UPRT: variants seen among roughly 807,000 people sequenced by gnomAD.
UPRT encodes uracil phosphoribosyltransferase homolog, also known as RP11-311P8.3.
Under a neutral mutation model 22.6 loss-of-function variants are expected in UPRT, and 5 were observed. That is an observed-to-expected ratio of 0.22 (90% confidence interval 0.12 to 0.47). The LOEUF is 0.47. Among genes scored for constraint, UPRT ranks in the 20% least tolerant of loss-of-function variants. The pLI is 0.99. For missense variants in UPRT, 181 were observed against 239.9 expected, an observed-to-expected ratio of 0.75 and a Z score of 1.62; for synonymous variants, 77 against 87.7, an observed-to-expected ratio of 0.88 and a Z score of 0.68.
intron 4 of UPRT, among the ~76,000 whole-genome samples, chrX:75,226,051 T>A (rs1294717813): frequency 1.8e-5 from 2 of 111,902 alleles, no homozygotes; most frequent in Non-Finnish European, 3.8e-5. Context: ...TAGAATGTTC[T>A]TCTTTTTTAT....
intron 4 of UPRT, among the ~76,000 whole-genome samples, chrX:75,299,257 G>A (rs2082736332): frequency 8.9e-6 from 1 of 112,327 alleles, no homozygotes; most frequent in Non-Finnish European, 1.9e-5. Context: ...TCATTGTTGA[G>A]CTAAGTGATG....
rs185586912 is a variant in UPRT at position 75,246,126 on chromosome X, T to A, written c.-446-44898T>A. On this transcript the variant is annotated intron_variant, in intron 4 of 13. Transcript: ENST00000652605. ...TTATTTTATTTTATGTTATTATACT[T>A]TAAGTTCTAGGGTACATGTCCACAA... Among the ~76,000 whole-genome samples, 26 of 110,774 alleles carry A rather than the reference T, an allele frequency of 2.3e-4. No homozygotes were observed. The East Asian group carries it at 6.8e-3, about 29-fold the overall frequency.
chrX:75,220,192 T>C (rs2082405455), intron 4 of UPRT, among the ~76,000 whole-genome samples: 1 of 111,644 alleles, frequency 9.0e-6, no homozygotes, highest in Non-Finnish European at 1.9e-5. Flanking sequence ...TATCTTTTGT[T>C]TGAAATCTAT....
chrX:75,223,910 A>G (rs969947407), intron 4 of UPRT, among the ~76,000 whole-genome samples: 3 of 111,528 alleles, frequency 2.7e-5, no homozygotes, highest in African/African-American at 9.8e-5. Flanking sequence ...GCTTCTATTC[A>G]GTCATCTTGC....
At chrX:75,235,420 C>G (rs1372800178) in intron 4 of UPRT, among the ~76,000 whole-genome samples, 7 of 111,051 alleles carry the variant, frequency 6.3e-5, no homozygotes, top group African/African-American at 2.0e-4. Context: ...AGAGGGAATC[C>G]TCCCTAACTC....
chrX:75,296,628 G>T (rs1458010735), intron 3 of UPRT, among the ~76,000 whole-genome samples: 1 of 111,664 alleles, frequency 9.0e-6, no homozygotes, highest in Non-Finnish European at 1.9e-5. Context: ...TCAAGTTAAA[G>T]GTTAACAAAT....
rs759952180 is a variant in UPRT, at chrX:75,188,603, C to T, written c.-447+20724C>T. Among the ~76,000 whole-genome samples, 50 of 112,648 alleles carry T rather than the reference C, an allele frequency of 4.4e-4. No individual in the cohort carries two copies. The East Asian group carries it at 4.5e-3, about 10-fold the overall frequency. On this transcript the variant is annotated intron_variant, in intron 4 of 13. Transcript: ENST00000652605. ...TTACCTAAGCAAGCCTGGGCAATGG[C>T]GGGCGCCCCTCCCCGAGCCTCGCTG...
intron 4 of UPRT, among the ~76,000 whole-genome samples, chrX:75,203,895 T>G (rs925043292): frequency 9.0e-6 from 1 of 111,716 alleles, no homozygotes; most frequent in African/African-American, 3.3e-5. Context: ...CAGTTTGGAC[T>G]AATATTCTTG....
chrX:75,188,886 A>T (rs1211499330), intron 4 of UPRT, among the ~76,000 whole-genome samples: 1 of 111,067 alleles, frequency 9.0e-6, no homozygotes, highest in Non-Finnish European at 1.9e-5. Flanking sequence ...TTCGGCTCGC[A>T]CGCGCACCCA....
At chrX:75,259,844 G>A (rs2082561988) in intron 4 of UPRT, among the ~76,000 whole-genome samples, 1 of 111,524 alleles carries the variant, frequency 9.0e-6, no homozygotes, top group African/African-American at 3.3e-5. Flanking sequence ...ACTGTTAAGG[G>A]CAGCCAGAGA....
At chrX:75,169,617 T>C (rs1214094351) in intron 4 of UPRT, among the ~76,000 whole-genome samples, 1 of 112,088 alleles carries the variant, frequency 8.9e-6, no homozygotes. Context: ...TCAAATTTTA[T>C]TCCACTGTGG....
At chrX:75,269,686 A>C (rs1445737834), upstream of UPRT, among the ~76,000 whole-genome samples, 1 of 112,022 alleles carries the variant, frequency 8.9e-6, no homozygotes, top group Non-Finnish European at 1.9e-5. Flanking sequence ...TGGTGTTGGG[A>C]AAACAGGCTA....
At chrX:75,188,851 C>T (rs888100898) in intron 4 of UPRT, among the ~76,000 whole-genome samples, 12 of 112,028 alleles carry the variant, frequency 1.1e-4, no homozygotes, top group East Asian at 5.7e-4. Flanking sequence ...CTTCGCTTCC[C>T]GAGTGAGGCA....
rs143244460 is a variant in UPRT at position 75,178,357 on chromosome X, C to T, written c.-447+10478C>T. Among the ~76,000 whole-genome samples the T allele has an allele frequency of 5.3e-3, 591 of 111,707 alleles. 4 individuals are homozygous for T. The highest frequency in any genetic ancestry group is 8.1e-3 in the Non-Finnish European group (430 of 53,137). ...ATGGTACTCACTGCTTGGCGATAGG[C>T]GAAAGTCTCACCGCTCAGCGATAGG... On this transcript the variant is annotated intron_variant, in intron 4 of 13. Coordinates refer to the UPRT transcript ENST00000652605.
At chrX:75,184,633 G>A (rs1185669880) in intron 4 of UPRT, among the ~76,000 whole-genome samples, 38 of 107,320 alleles carry the variant, frequency 3.5e-4, no homozygotes, top group Non-Finnish European at 6.0e-4. Context: ...CCATTTTCAC[G>A]ATATTGATTC....
chrX:75,222,539 A>G (rs2082413133), intron 4 of UPRT, among the ~76,000 whole-genome samples: 1 of 111,684 alleles, frequency 9.0e-6, no homozygotes, highest in Non-Finnish European at 1.9e-5. Context: ...CTGAGCTGGC[A>G]CCTAACCACA....
At chrX:75,209,301 C>T (rs1163014538) in intron 4 of UPRT, among the ~76,000 whole-genome samples, 1 of 111,735 alleles carries the variant, frequency 8.9e-6, no homozygotes, top group African/African-American at 3.3e-5. Context: ...CAGGCCCTGT[C>T]AGTCTTCAGT....
chrX:75,276,949 G>A (rs1352314484), intron 1 of UPRT, among the ~76,000 whole-genome samples: 7 of 111,318 alleles, frequency 6.3e-5, no homozygotes, highest in African/African-American at 2.3e-4. Context: ...CTAATGGTTT[G>A]CCCATTCTGC....
At chrX:75,252,313 T>C (rs2082533538) in intron 4 of UPRT, among the ~76,000 whole-genome samples, 2 of 110,569 alleles carry the variant, frequency 1.8e-5, no homozygotes, top group Admixed American at 9.6e-5. Flanking sequence ...AACCTACTCA[T>C]CTGACAAAAA....
Sources: gnomAD v4.1 joint callset for allele counts (sites outside exome capture counted in the v4.1 genomes callset) on GRCh38, gnomAD v4.1.1 for gene constraint, MANE v1.5 for transcripts, NCBI Gene and HGNC (gene_info 2026-07-23, HGNC 2026-07-21) for gene names.